Variants in SH3RF1 observed in about 807,000 individuals in gnomAD.
The protein encoded by SH3RF1 is E3 ubiquitin-protein ligase SH3RF1.
Under a neutral mutation model 74.0 loss-of-function variants are expected in SH3RF1, and 32 were observed. That is an observed-to-expected ratio of 0.43 (90% CI 0.33 to 0.58). The LOEUF (loss-of-function observed/expected upper bound fraction) is 0.58, where lower values mean the gene tolerates loss of function less well. Among genes scored for constraint, SH3RF1 ranks in the 20% least tolerant of loss-of-function variants. The pLI is 0.05. For synonymous variants in SH3RF1, 396 were observed against 439.6 expected (o/e 0.90, Z 1.24); for missense variants, 954 against 1,130.9 (o/e 0.84, Z 2.24).
chr4:169,221,634 T>C (rs1579146488), intron 2 of SH3RF1, among the ~76,000 whole-genome samples: 1 of 152,196 alleles, frequency 6.6e-6, no homozygotes, highest in African/African-American at 2.4e-5. Context: ...ATAAACACTA[T>C]GCTCCTTATA....
At chr4:169,179,253 CA>C (rs1260115602) in intron 2 of SH3RF1, among the ~76,000 whole-genome samples, 2 of 152,096 alleles carry the variant, frequency 1.3e-5, no homozygotes, top group Non-Finnish European at 2.9e-5. Context: ...AGGAGAGGAC[CA>C]CAAGCCAAAG....
intron 2 of SH3RF1, among the ~76,000 whole-genome samples, chr4:169,165,433 G>C (rs1271830658): frequency 2.0e-5 from 3 of 152,170 alleles, no homozygotes; most frequent in Non-Finnish European, 4.4e-5. Context: ...TGCAAACCCA[G>C]CACTTTGGGA....
chr4:169,230,828 C>T lies in SH3RF1; in HGVS notation c.393+37992G>A, dbSNP rs565745518. On this transcript the variant is annotated intron_variant, in intron 2 of 11. Coordinates refer to ENST00000284637, the MANE Select transcript of SH3RF1 (RefSeq NM_020870.4). ...CTGAGATCGTGCCATTGCACTCCAGCGTAGATGACAGAGTGAGAAACCACC... is the reference window on the plus strand; with the variant it reads ...CTGAGATCGTGCCATTGCACTCCAGTGTAGATGACAGAGTGAGAAACCACC... Among the ~76,000 whole-genome samples, 78 of 138,662 alleles carry T rather than the reference C, an allele frequency of 5.6e-4. 1 individual carries two copies. The highest frequency in any genetic ancestry group is 2.0e-3 in the African/African-American group (74 of 36,154). 91.0% of individuals were successfully genotyped at this position (138,662 alleles called of 152,430 possible).
chr4:169,128,560 C>T (rs1388912730), intron 6 of SH3RF1, among the ~76,000 whole-genome samples: 1 of 152,226 alleles, frequency 6.6e-6, no homozygotes, highest in South Asian at 2.1e-4. Context: ...AATAACTCTA[C>T]ATTTATTTAT....
chr4:169,154,013 T>C (rs1387133884), intron 4 of SH3RF1, among the ~76,000 whole-genome samples: 2 of 152,184 alleles, frequency 1.3e-5, no homozygotes, highest in East Asian at 1.9e-4. Context: ...AGTATCAGCA[T>C]GTAATATTGA....
chr4:169,131,900 T>G (rs925876385), intron 5 of SH3RF1, among the ~76,000 whole-genome samples: 2 of 152,200 alleles, frequency 1.3e-5, no homozygotes, highest in African/African-American at 4.8e-5. Context: ...GATTGGTTGC[T>G]TTCCCCAACT....
chr4:169,270,453 C>T (rs1731429124), intron 1 of SH3RF1, among the ~76,000 whole-genome samples: 2 of 152,212 alleles, frequency 1.3e-5, no homozygotes, highest in African/African-American at 4.8e-5. Context: ...ACAAATCCCT[C>T]TACACGACTG....
At chr4:169,241,476 C>A (rs551309075) in intron 2 of SH3RF1, among the ~76,000 whole-genome samples, 1 of 152,274 alleles carries the variant, frequency 6.6e-6, no homozygotes, top group African/African-American at 2.4e-5. Context: ...AATCCATCAT[C>A]CATGGAAGTA....
At chr4:169,238,964 GC>G (rs33954575) in intron 2 of SH3RF1, among the ~76,000 whole-genome samples, 133,775 of 146,968 alleles carry the variant, frequency 0.91, 62,045 homozygotes, top group Non-Finnish European at 0.99. Context: ...GCTAATTTCC[GC>G]CCCCCCCCAC....
chr4:169,249,090 T>C lies in SH3RF1; in HGVS notation c.393+19730A>G, dbSNP rs550975700. On this transcript the variant is annotated intron_variant, in intron 2 of 11. Coordinates refer to ENST00000284637, the MANE Select transcript of SH3RF1 (RefSeq NM_020870.4). ...AAAATACAAAAAAATTAGCCAGGCA[T>C]GGTGGTGGGCGCCTGTAGTCCCAGC... Among the ~76,000 whole-genome samples the C allele has an allele frequency of 2.6e-5, 4 of 152,064 alleles. No individual in the cohort carries two copies. The East Asian group carries it at 7.7e-4, about 29-fold the overall frequency.
Position 169,215,106 on chromosome 4 carries a change from T to A in SH3RF1, c.393+53714A>T, listed in dbSNP as rs542657857. ...TATCTGTAGGATTTGGGGTAAATTT[T>A]TTTTCTTATCAAGTTGAGGTAGTCC... On this transcript the variant is annotated intron_variant, in intron 2 of 11. Coordinates refer to ENST00000284637, the MANE Select transcript of SH3RF1 (RefSeq NM_020870.4). Among the ~76,000 whole-genome samples the A allele has an allele frequency of 7.1e-4, 108 of 152,258 alleles. 1 individual carries two copies. The highest frequency in any genetic ancestry group is 1.4e-3 in the Non-Finnish European group (98 of 68,002).
At chr4:169,222,247 T>C (rs1239419909) in intron 2 of SH3RF1, among the ~76,000 whole-genome samples, 2 of 152,128 alleles carry the variant, frequency 1.3e-5, no homozygotes, top group Non-Finnish European at 2.9e-5. Context: ...GTAGATCACT[T>C]GAGATCGGGA....
chr4:169,267,191 A>G (rs1272450911), intron 2 of SH3RF1, among the ~76,000 whole-genome samples: 1 of 152,234 alleles, frequency 6.6e-6, no homozygotes, highest in Non-Finnish European at 1.5e-5. Context: ...CATTAAGTTG[A>G]GTGTTTGAGC....
chr4:169,156,739 A>G (rs1307777351), intron 2 of SH3RF1, 60 bp from the exon 3 acceptor site: 12 of 1,459,490 alleles, frequency 8.2e-6, no homozygotes, highest in Non-Finnish European at 1.1e-5. Context: ...TGTCTCTGAA[A>G]ATACAACTGC....
chr4:169,155,906 T>C (rs930289167), intron 3 of SH3RF1, among the ~76,000 whole-genome samples: 1 of 152,144 alleles, frequency 6.6e-6, no homozygotes, highest in Non-Finnish European at 1.5e-5. Context: ...ATGCTCCTCA[T>C]TTTCTGAAAA....
chr4:169,186,652 C>A (rs1579126242), intron 2 of SH3RF1, among the ~76,000 whole-genome samples: 2 of 150,172 alleles, frequency 1.3e-5, no homozygotes, highest in Admixed American at 6.6e-5. Context: ...AGGAGAGATT[C>A]CCATCATATC....
At chr4:169,191,225 G>A in intron 2 of SH3RF1, among the ~76,000 whole-genome samples, 2 of 147,880 alleles carry the variant, frequency 1.4e-5, no homozygotes, top group Non-Finnish European at 3.0e-5. Flanking sequence ...ACGCAGATCA[G>A]TAGCTCTTCT....
At chr4:169,204,940 A>C (rs1229636865) in intron 2 of SH3RF1, among the ~76,000 whole-genome samples, 1 of 152,164 alleles carries the variant, frequency 6.6e-6, no homozygotes, top group Non-Finnish European at 1.5e-5. Flanking sequence ...CTGCTTGCTG[A>C]TTTTTAAAAA....
At chr4:169,226,595 A>C (rs948180517) in intron 2 of SH3RF1, among the ~76,000 whole-genome samples, 8 of 152,190 alleles carry the variant, frequency 5.3e-5, no homozygotes, top group Admixed American at 4.6e-4. Context: ...CCCCCCTAGA[A>C]AGGGAGATAC....
Sources: gnomAD v4.1 joint callset for allele counts (sites outside exome capture counted in the v4.1 genomes callset) on GRCh38, gnomAD v4.1.1 for gene constraint, MANE v1.5 for transcripts, NCBI Gene and HGNC (gene_info 2026-07-23, HGNC 2026-07-21) for gene names.